The following RPS6KA6 variants were observed in gnomAD, a reference collection of about 807,000 sequenced individuals.
RPS6KA6 encodes ribosomal protein S6 kinase A6.
Under a neutral mutation model 65.4 loss-of-function variants are expected in RPS6KA6, and 27 were observed. That is an observed-to-expected ratio of 0.41 (90% CI 0.30 to 0.57). RPS6KA6 has a LOEUF of 0.57. RPS6KA6 is among the 20% of genes least tolerant of loss of function. The probability of loss-of-function intolerance (pLI) is 0.24; values close to 1 mark genes in which losing one functional copy is unlikely to be tolerated. For synonymous variants in RPS6KA6, 190 were observed against 184.2 expected (o/e 1.03, Z -0.26); for missense variants, 486 against 555.6 (o/e 0.87, Z 1.26).
chrX:84,122,328 A>C (rs2034686899), intron 8 of RPS6KA6, among the ~76,000 whole-genome samples: 1 of 103,823 alleles, frequency 9.6e-6, no homozygotes, highest in South Asian at 4.4e-4. Flanking sequence ...GCCAGCACCC[A>C]CATATGGAGG....
intron 1 of RPS6KA6, among the ~76,000 whole-genome samples, chrX:84,168,088 C>G (rs1241139853): frequency 7.2e-5 from 8 of 111,442 alleles, no homozygotes; most frequent in Non-Finnish European, 1.9e-5. Context: ...GATCTCTCTG[C>G]AGCATGTCAC....
intron 1 of RPS6KA6, among the ~76,000 whole-genome samples, chrX:84,177,192 A>C (rs1446097524): frequency 8.9e-6 from 1 of 112,072 alleles, no homozygotes; most frequent in Non-Finnish European, 1.9e-5. Context: ...TTAAAGAAGA[A>C]ATACTAATAA....
intron 6 of RPS6KA6, among the ~76,000 whole-genome samples, chrX:84,139,090 T>C (rs1036113712): frequency 4.5e-5 from 5 of 111,734 alleles, no homozygotes; most frequent in African/African-American, 1.6e-4. Context: ...GGCTGCTCAA[T>C]CAATGTACTA....
Position 84,102,073 on chromosome X carries a change from T to G in RPS6KA6, c.1740A>C (p.Leu580Phe). Residue 580 changes from leucine to phenylalanine, a missense_variant, in exon 18 of 22, where the codon TTA becomes TTC. By Grantham distance (22) the Leu-to-Phe change is conservative (BLOSUM62 0). Transcript: ENST00000262752. Reference protein sequence around the residue: ...KQLRGENGLLLTPCYTANFVA... With the variant: ...KQLRGENGLLFTPCYTANFVA... ...CAAAGTTTGCAGTGTAGCATGGAGTTAAGAGAAGTCCATTTTCTCCTCGAA... is the reference window on the plus strand; with the variant it reads ...CAAAGTTTGCAGTGTAGCATGGAGTGAAGAGAAGTCCATTTTCTCCTCGAA... The G allele has an allele frequency of 8.3e-7, 1 of 1,201,801 alleles. No homozygotes were observed. The highest frequency in any genetic ancestry group is 1.1e-6 in the Non-Finnish European group (1 of 889,972).
chrX:84,092,922 A>T (rs752440588), intron 20 of RPS6KA6, among the ~76,000 whole-genome samples: 1 of 112,010 alleles, frequency 8.9e-6, no homozygotes, highest in Non-Finnish European at 1.9e-5. Context: ...CAAGATATGG[A>T]ATCAACCTAA....
chrX:84,064,715 A>G (rs949161629), intron 21 of RPS6KA6, among the ~76,000 whole-genome samples: 2 of 111,796 alleles, frequency 1.8e-5, no homozygotes, highest in Admixed American at 9.6e-5. Flanking sequence ...TCAATATGAA[A>G]CTTGCATTTA....
At chrX:84,164,471 C>T in intron 1 of RPS6KA6, 84 bp from the exon 2 acceptor site, 2 of 621,859 alleles carry the variant, frequency 3.2e-6, no homozygotes, top group Non-Finnish European at 5.2e-6. Context: ...TAGGCATTTC[C>T]TTCCACAATC....
chrX:84,115,087 A>G (rs1163777801), intron 12 of RPS6KA6, among the ~76,000 whole-genome samples: 1 of 112,344 alleles, frequency 8.9e-6, no homozygotes, highest in Non-Finnish European at 1.9e-5. Context: ...AGCAAATGCA[A>G]CAAAAACAAA....
At chrX:84,134,107 T>C (rs1226600216) in intron 8 of RPS6KA6, among the ~76,000 whole-genome samples, 1 of 111,841 alleles carries the variant, frequency 8.9e-6, no homozygotes, top group Non-Finnish European at 1.9e-5. Context: ...GTTTTTAGAC[T>C]GGCTCGCTCA....
At position 84,122,342 on chromosome X, in the gene RPS6KA6, C is replaced by A. The variant is rs759473358; in HGVS notation, c.647-2315G>T. ...AGCCAGCACCCACATATGGAGGAAG[C>A]TTTTGTTATTTTTTTTAAGTTTTTT... is the stretch of plus-strand genomic sequence containing the variant. On this transcript the variant is annotated intron_variant, in intron 8 of 21. Transcript: ENST00000262752. 3.3e-3 allele frequency among the ~76,000 whole-genome samples: 304 copies of A among 92,284 alleles called. 3 individuals carry two copies. Among genetic ancestry groups the A allele is most frequent in the African/African-American group, 0.012 (286 of 23,998 alleles). The allele number at this position is 92,284 out of a possible 115,157, so 80.1% of individuals were successfully genotyped here. A position where few individuals can be genotyped will look rare whatever the true frequency, so the allele number is the denominator to read the frequency against.
intron 6 of RPS6KA6, among the ~76,000 whole-genome samples, chrX:84,143,942 C>G (rs927328020): frequency 3.6e-5 from 4 of 111,075 alleles, no homozygotes; most frequent in Non-Finnish European, 5.7e-5. Context: ...AAAAGACAGA[C>G]TTTTCCAATA....
intron 12 of RPS6KA6, among the ~76,000 whole-genome samples, chrX:84,112,113 C>G (rs1288898670): frequency 3.6e-5 from 4 of 111,790 alleles, no homozygotes; most frequent in Admixed American, 9.5e-5. Flanking sequence ...GATAAGGGCT[C>G]AATTAAACCA....
Position 84,187,789 on chromosome X carries a change from G to A in RPS6KA6, c.81+30C>T, listed in dbSNP as rs375941937. On this transcript the variant is annotated intron_variant, in intron 1 of 21. Transcript: ENST00000262752. ...CTTGAGGGGAAGGAGGCGGGGGTTG[G>A]CTCCAGCCCGTCTTGGCCACCACAC... 5.1e-6 allele frequency: 6 copies of A among 1,179,359 alleles called. No individual in the cohort carries two copies. The African/African-American group carries it at 5.4e-5, about 11-fold the overall frequency.
intron 3 of RPS6KA6, among the ~76,000 whole-genome samples, chrX:84,149,688 T>G (rs747548756): frequency 1.8e-5 from 2 of 111,401 alleles, no homozygotes; most frequent in Non-Finnish European, 3.8e-5. Context: ...TAGCACACCA[T>G]GCTATAAACA....
intron 8 of RPS6KA6, among the ~76,000 whole-genome samples, chrX:84,128,429 A>G (rs2034835851): frequency 9.0e-6 from 1 of 111,378 alleles, no homozygotes; most frequent in African/African-American, 3.3e-5. Context: ...TGTCCATACT[A>G]CCCAAAGCAA....
At position 84,102,157 on chromosome X, in the gene RPS6KA6, C is replaced by A; in HGVS notation, c.1656G>T (p.Met552Ile). Residue 552 changes from methionine to isoleucine, a missense_variant, in exon 18 of 22, where the codon ATG (methionine) becomes ATT (isoleucine). Met to Ile is a conservative substitution (Grantham distance 10). Around this residue, in one of 3 missense-constraint regions of RPS6KA6, gnomAD observed 345 missense variants for 375.0 expected, o/e 0.92. Coordinates refer to ENST00000262752, the MANE Select transcript of RPS6KA6 (RefSeq NM_014496.5). ...TTGAATCTGCACTGGCTGATTCATC[C>A]ATGTATAAAATATTACTAGGTTTAA... ...RDLKPSNILYMDESASADSIR... is the reference protein window; with the variant it reads ...RDLKPSNILYIDESASADSIR... The A allele has an allele frequency of 8.5e-7, 1 of 1,174,591 alleles. No homozygotes were observed. The highest frequency in any genetic ancestry group is 1.1e-6 in the Non-Finnish European group (1 of 873,764).
In RPS6KA6 at chrX:84,155,967, C is replaced by T. The variant is rs879200445; in HGVS notation, c.258+108G>A. ...TTAAAGAATTACCTTTGTGAGCATCCGTTCAGAAGTTTAGAAACGACTCAT... is the reference window on the plus strand; with the variant it reads ...TTAAAGAATTACCTTTGTGAGCATCTGTTCAGAAGTTTAGAAACGACTCAT... On this transcript the variant is annotated intron_variant, in intron 3 of 21. Coordinates refer to ENST00000262752, the MANE Select transcript of RPS6KA6 (RefSeq NM_014496.5). The T allele has an allele frequency of 6.2e-5, 28 of 449,281 alleles. No individual in the cohort carries two copies. In the South Asian group the frequency reaches 1.1e-3, roughly 17 times the overall value. The allele number at this position is 449,281 out of a possible 1,213,427, so 37.0% of individuals were successfully genotyped here. A position where few individuals can be genotyped will look rare whatever the true frequency, so the allele number is the denominator to read the frequency against.
At chrX:84,096,071 G>GTGT in intron 20 of RPS6KA6, 123 bp downstream of exon 20, 2 of 501,565 alleles carry the variant, frequency 4.0e-6, no homozygotes, top group Non-Finnish European at 7.2e-6. Flanking sequence ...ACTCATAGAT[G>GTGT]TGTTAATTCA....
At chrX:84,074,566 T>G (rs1193476304) in intron 20 of RPS6KA6, among the ~76,000 whole-genome samples, 1 of 112,132 alleles carries the variant, frequency 8.9e-6, no homozygotes, top group Non-Finnish European at 1.9e-5. Context: ...GATGGATAAG[T>G]TAATTATCCT....
Sources: allele counts gnomAD v4.1 joint callset (sites outside exome capture counted in the v4.1 genomes callset), GRCh38; gene constraint gnomAD v4.1.1; regional missense constraint gnomAD v4.1.1; transcripts MANE v1.5; gene names NCBI Gene and HGNC (gene_info 2026-07-23, HGNC 2026-07-21).